The following CDC42 variants were observed in gnomAD, a reference collection of about 807,000 sequenced individuals.
The protein encoded by CDC42 is cell division cycle 42, also known as cell division control protein 42 homolog.
CDC42 carries 1 observed loss-of-function variant against 20.8 expected under a neutral mutation model. The ratio of observed to expected loss-of-function variants is 0.05; its 90% confidence interval spans 0.02 to 0.23. CDC42 has a LOEUF of 0.23. CDC42 is among the 10% of genes least tolerant of loss of function. CDC42 has a pLI of 1.00. For synonymous variants in CDC42, 72 were observed against 84.8 expected, an observed-to-expected ratio of 0.85 and a Z score of 0.83; for missense variants, 49 against 227.9, an observed-to-expected ratio of 0.21 and a Z score of 5.05.
rs1003030499 is a variant in CDC42 at position 22,091,608 on chromosome 1, C to A, written c.*91C>A. The stretch of plus-strand genomic sequence containing the variant: ...AAACTAAAGATTAAAAATTAAAATT[C>A]GTTTTTGCAATAATGACAAATGCCC... On this transcript the variant is annotated 3_prime_UTR_variant, in exon 6 of 6. Coordinates refer to ENST00000656825, the MANE Select transcript of CDC42 (RefSeq NM_001791.4). The A allele has an allele frequency of 3.0e-6, 3 of 992,260 alleles. No individual in the cohort carries two copies. The highest frequency in any genetic ancestry group is 4.6e-6 in the Non-Finnish European group (3 of 652,886). The allele number at this position is 992,260 out of a possible 1,614,324, so 61.5% of individuals were successfully genotyped here.
At chr1:22,053,198 T>G (rs1214827460) in intron 1 of CDC42, 1 of 141,178 alleles carries the variant, frequency 7.1e-6, no homozygotes, top group Non-Finnish European at 1.5e-5. Context: ...CTGCGTTCCG[T>G]GCCCTGCGCT....
At chr1:22,083,001 T>G (rs1645624989) in intron 3 of CDC42, among the ~76,000 whole-genome samples, 1 of 151,454 alleles carries the variant, frequency 6.6e-6, no homozygotes, top group South Asian at 2.1e-4. Flanking sequence ...TGCCTCAGCC[T>G]TCTGAGTAGC....
intron 1 of CDC42, among the ~76,000 whole-genome samples, chr1:22,074,565 G>T (rs1480605612): frequency 6.6e-6 from 1 of 151,960 alleles, no homozygotes; most frequent in Non-Finnish European, 1.5e-5. Context: ...TGGAGTATCT[G>T]GTGACATTAA....
intron 1 of CDC42, among the ~76,000 whole-genome samples, chr1:22,077,064 G>A (rs529310846): frequency 6.6e-6 from 1 of 152,288 alleles, no homozygotes; most frequent in Admixed American, 6.5e-5. Flanking sequence ...GCCAAGGTGG[G>A]AGGATTGCTT....
At position 22,098,337 on chromosome 1, in the gene CDC42, G is replaced by C. The variant is rs1645770321; in HGVS notation, c.*6820G>C. 6.8e-6 allele frequency among the ~76,000 whole-genome samples: 1 copy of C among 146,424 alleles called. No individual in the cohort carries two copies. On this transcript the variant is annotated 3_prime_UTR_variant, in exon 6 of 6. Transcript: ENST00000656825. ...GGTTGGTGAACAATTAGATGGGAAG[G>C]CTGAAAAAAAAAATACTCCTGAGAT...
At chr1:22,067,183 T>G (rs1448061194) in intron 1 of CDC42, among the ~76,000 whole-genome samples, 1 of 152,178 alleles carries the variant, frequency 6.6e-6, no homozygotes, top group Admixed American at 6.5e-5. Flanking sequence ...TTAGGCTTCT[T>G]TAACAATACC....
chr1:22,078,047 C>T (rs1309545117), intron 1 of CDC42, among the ~76,000 whole-genome samples: 1 of 152,218 alleles, frequency 6.6e-6, no homozygotes, highest in African/African-American at 2.4e-5. Context: ...GTCTAGTTGA[C>T]ATACATGCAT....
chr1:22,069,394 T>C (rs1645458955), intron 1 of CDC42, among the ~76,000 whole-genome samples: 1 of 152,058 alleles, frequency 6.6e-6, no homozygotes, highest in Non-Finnish European at 1.5e-5. Flanking sequence ...CAGATTGGTC[T>C]CGAACTCCTG....
At chr1:22,057,719 C>T (rs1298143721) in intron 1 of CDC42, among the ~76,000 whole-genome samples, 1 of 151,192 alleles carries the variant, frequency 6.6e-6, no homozygotes, top group African/African-American at 2.4e-5. Context: ...GATTGCTTTA[C>T]CTTTTTTTTT....
chr1:22,058,987 A>AAT (rs1272394041), intron 1 of CDC42, among the ~76,000 whole-genome samples: 40 of 125,318 alleles, frequency 3.2e-4, no homozygotes, highest in East Asian at 2.1e-3. Context: ...GCTAATTGTA[A>AAT]ATATATATAT....
chr1:22,069,875 A>G (rs1645466140), intron 1 of CDC42, among the ~76,000 whole-genome samples: 1 of 151,254 alleles, frequency 6.6e-6, no homozygotes, highest in South Asian at 2.1e-4. Flanking sequence ...CTTACTTGCA[A>G]CCTCCGTCTC....
chr1:22,080,685 T>A (rs997533676), intron 2 of CDC42, among the ~76,000 whole-genome samples: 1 of 152,232 alleles, frequency 6.6e-6, no homozygotes, highest in Admixed American at 6.5e-5. Flanking sequence ...ACTCCAGAAT[T>A]TGTGTTGGGT....
At chr1:22,058,360 G>T (rs1014615812) in intron 1 of CDC42, among the ~76,000 whole-genome samples, 1 of 152,130 alleles carries the variant, frequency 6.6e-6, no homozygotes, top group African/African-American at 2.4e-5. Context: ...ACAATTTATT[G>T]CAAGGATCAT....
intron 1 of CDC42, among the ~76,000 whole-genome samples, chr1:22,071,397 T>C (rs1181586444): frequency 1.3e-5 from 2 of 152,206 alleles, no homozygotes; most frequent in Non-Finnish European, 2.9e-5. Context: ...TTTTGTTACA[T>C]GTCTTCTGTG....
chr1:22,055,590 A>G (rs1478476255), intron 1 of CDC42, among the ~76,000 whole-genome samples: 1 of 151,740 alleles, frequency 6.6e-6, no homozygotes, highest in Non-Finnish European at 1.5e-5. Flanking sequence ...CCCAGGCTCA[A>G]CTGATCCTTC....
intron 1 of CDC42, among the ~76,000 whole-genome samples, chr1:22,056,226 CCTTTTTG>C (rs1557890898): frequency 3.3e-5 from 5 of 152,166 alleles, no homozygotes. Flanking sequence ...ATTCCATGGG[CCTTTTTG>C]CTGTGTTTCC....
At chr1:22,091,392 T>TCC (rs1483444873) in intron 5 of CDC42, 36 bp from the exon 6 acceptor site, 1 of 1,346,782 alleles carries the variant, frequency 7.4e-7, no homozygotes, top group South Asian at 1.2e-5. Context: ...ATACTGAAAA[T>TCC]CAGACCGCCC....
In CDC42 at chr1:22,091,860, A is replaced by T. The variant is rs1425171100; in HGVS notation, c.*343A>T. On this transcript the variant is annotated 3_prime_UTR_variant, in exon 6 of 6. Coordinates refer to ENST00000656825, the MANE Select transcript of CDC42 (RefSeq NM_001791.4). ...CTTGTGGATGACTCTGTAACAGACT[A>T]ATTGGAATTGTTGAAGCTGCTCCCT... 6.7e-6 allele frequency: 1 copy of T among 150,316 alleles called. No individual in the cohort carries two copies. The highest frequency in any genetic ancestry group is 1.3e-5 in the Non-Finnish European group (1 of 74,380). 9.3% of individuals were successfully genotyped at this position (150,316 alleles called of 1,614,324 possible). A position where few individuals can be genotyped will look rare whatever the true frequency, so the allele number is the denominator to read the frequency against.
At chr1:22,069,539 C>A (rs922909414) in intron 1 of CDC42, among the ~76,000 whole-genome samples, 1 of 149,262 alleles carries the variant, frequency 6.7e-6, no homozygotes, top group Non-Finnish European at 1.5e-5. Context: ...CTCACTGTAG[C>A]CTTGACCTTC....
Sources: allele counts gnomAD v4.1 joint callset (sites outside exome capture counted in the v4.1 genomes callset), GRCh38; gene constraint gnomAD v4.1.1; transcripts MANE v1.5; gene names NCBI Gene and HGNC (gene_info 2026-07-23, HGNC 2026-07-21).